ZBTB7C: variants seen among roughly 807,000 people sequenced by gnomAD.
ZBTB7C encodes the protein zinc finger and BTB domain-containing protein 7C.
In ZBTB7C, 8 loss-of-function variants were observed where a neutral mutation model predicts 25.7. The observed-to-expected ratio is 0.31, with a 90% CI of 0.18 to 0.56. ZBTB7C has a LOEUF of 0.56. Ranked by LOEUF, ZBTB7C falls within the 20% of genes least tolerant of loss-of-function variation. The probability of loss-of-function intolerance (pLI) is 0.91; values close to 1 mark genes in which losing one functional copy is unlikely to be tolerated. For synonymous variants in ZBTB7C, 394 were observed against 369.0 expected, an observed-to-expected ratio of 1.07 and a Z score of -0.78; for missense variants, 824 against 855.2, an observed-to-expected ratio of 0.96 and a Z score of 0.46.
Position 48,072,821 on chromosome 18 carries a change from G to T in ZBTB7C, c.-16-31698C>A, listed in dbSNP as rs139070267. 2.6e-5 allele frequency among the ~76,000 whole-genome samples: 4 copies of T among 152,316 alleles called. No individual in the cohort carries two copies. In the East Asian group the frequency reaches 7.7e-4, roughly 29 times the overall value. On this transcript the variant is annotated intron_variant, in intron 3 of 4. Coordinates refer to ENST00000590800, the MANE Select transcript of ZBTB7C (RefSeq NM_001318841.2). ...CGGCACTGCTGGGGAGAAGGCAGCCGCTCTCCGCTTCATCCTTGGGCTGGG... is the reference window on the plus strand; with the variant it reads ...CGGCACTGCTGGGGAGAAGGCAGCCTCTCTCCGCTTCATCCTTGGGCTGGG...
intron 3 of ZBTB7C, among the ~76,000 whole-genome samples, chr18:48,070,790 C>T (rs1282597320): frequency 6.6e-6 from 1 of 152,108 alleles, no homozygotes; most frequent in Non-Finnish European, 1.5e-5. Flanking sequence ...CCTCCCTAGC[C>T]CACCCCATCC....
At chr18:48,088,765 G>C (rs2038291533) in intron 3 of ZBTB7C, among the ~76,000 whole-genome samples, 1 of 152,170 alleles carries the variant, frequency 6.6e-6, no homozygotes, top group Non-Finnish European at 1.5e-5. Context: ...GGAAGGTGGA[G>C]GTTGCAGTGA....
intron 2 of ZBTB7C, among the ~76,000 whole-genome samples, chr18:48,205,259 CA>C (rs2042551902): frequency 6.6e-6 from 1 of 151,926 alleles, no homozygotes; most frequent in African/African-American, 2.4e-5. Flanking sequence ...GGTCAATAAT[CA>C]AAAATCAATT....
chr18:48,316,999 G>A (rs1447411517), intron 2 of ZBTB7C, among the ~76,000 whole-genome samples: 1 of 152,218 alleles, frequency 6.6e-6, no homozygotes, highest in East Asian at 1.9e-4. Context: ...CAAGCCAGGT[G>A]CAGTGGCTCA....
intron 3 of ZBTB7C, among the ~76,000 whole-genome samples, chr18:48,167,037 G>A (rs774325077): frequency 3.3e-5 from 5 of 152,098 alleles, no homozygotes; most frequent in Admixed American, 6.5e-5. Flanking sequence ...TCAGAACCTC[G>A]TGCTGCCCTT....
chr18:48,137,841 C>G (rs976865583), intron 3 of ZBTB7C, among the ~76,000 whole-genome samples: 24 of 152,326 alleles, frequency 1.6e-4, no homozygotes, highest in African/African-American at 5.3e-4. Flanking sequence ...GGGCCAGCCA[C>G]CAATCACAGA....
chr18:48,342,125 T>C (rs2046616221), intron 1 of ZBTB7C, among the ~76,000 whole-genome samples: 2 of 152,090 alleles, frequency 1.3e-5, no homozygotes, highest in South Asian at 4.1e-4. Context: ...CTTTCTTCCC[T>C]CTCCCAACTG....
At chr18:48,248,093 C>A (rs1179989857) in intron 2 of ZBTB7C, among the ~76,000 whole-genome samples, 12 of 152,150 alleles carry the variant, frequency 7.9e-5, no homozygotes, top group Non-Finnish European at 1.3e-4. Flanking sequence ...TGACTTTGCT[C>A]CTCCTTTACC....
chr18:48,069,250 A>G (rs2037453187), intron 3 of ZBTB7C, among the ~76,000 whole-genome samples: 1 of 152,128 alleles, frequency 6.6e-6, no homozygotes, highest in Admixed American at 6.5e-5. Flanking sequence ...ACCTTTCTCA[A>G]TTCTCACCAC....
At chr18:48,156,640 A>G (rs1331044638) in intron 3 of ZBTB7C, among the ~76,000 whole-genome samples, 3 of 152,194 alleles carry the variant, frequency 2.0e-5, no homozygotes, top group African/African-American at 7.2e-5. Flanking sequence ...TACATTCTTA[A>G]GAACATCAAA....
chr18:48,408,027 G>A (rs1349529440), intron 1 of ZBTB7C, among the ~76,000 whole-genome samples: 1 of 152,170 alleles, frequency 6.6e-6, no homozygotes, highest in Admixed American at 6.5e-5. Flanking sequence ...CTTCTTTTAA[G>A]GGGTCTTCCC....
intron 2 of ZBTB7C, among the ~76,000 whole-genome samples, chr18:48,282,795 AC>A (rs1399454992): frequency 2.0e-5 from 3 of 152,248 alleles, no homozygotes; most frequent in African/African-American, 7.2e-5. Context: ...TAAAGTTCAA[AC>A]ACAGGCAAGA....
At chr18:48,130,336 C>A (rs985089613) in intron 3 of ZBTB7C, among the ~76,000 whole-genome samples, 1 of 152,110 alleles carries the variant, frequency 6.6e-6, no homozygotes, top group African/African-American at 2.4e-5. Flanking sequence ...AGAAGAGGAG[C>A]AAAGCTCTGG....
chr18:48,389,674 C>A (rs1364050557), intron 1 of ZBTB7C, among the ~76,000 whole-genome samples: 2 of 151,886 alleles, frequency 1.3e-5, no homozygotes, highest in African/African-American at 4.8e-5. Flanking sequence ...TACTGAAGAC[C>A]CCAGCTGAAA....
At chr18:48,301,705 G>A (rs976688625) in intron 2 of ZBTB7C, among the ~76,000 whole-genome samples, 2 of 152,188 alleles carry the variant, frequency 1.3e-5, no homozygotes, top group African/African-American at 2.4e-5. Context: ...GAGATGCACA[G>A]CTGGATGAGA....
intron 2 of ZBTB7C, among the ~76,000 whole-genome samples, chr18:48,261,301 C>T (rs1299808785): frequency 1.3e-5 from 2 of 152,038 alleles, no homozygotes; most frequent in Non-Finnish European, 1.5e-5. Flanking sequence ...GGCAGGGCAC[C>T]GTGTGCAGAC....
chr18:48,125,107 T>C (rs1315074473), intron 3 of ZBTB7C, among the ~76,000 whole-genome samples: 1 of 152,254 alleles, frequency 6.6e-6, no homozygotes, highest in Non-Finnish European at 1.5e-5. Flanking sequence ...TACTGTGTGC[T>C]AGATATATCG....
chr18:48,258,182 C>T (rs2144494524), intron 2 of ZBTB7C, among the ~76,000 whole-genome samples: 1 of 152,330 alleles, frequency 6.6e-6, no homozygotes, highest in East Asian at 1.9e-4. Context: ...AAAGTCAAGG[C>T]TATCCACTCT....
chr18:48,378,457 C>T (rs1283707051), intron 1 of ZBTB7C, among the ~76,000 whole-genome samples: 1 of 152,160 alleles, frequency 6.6e-6, no homozygotes, highest in African/African-American at 2.4e-5. Flanking sequence ...AAGACCCCAA[C>T]CCAGCTAAGA....
Sources: allele counts gnomAD v4.1 joint callset (sites outside exome capture counted in the v4.1 genomes callset), GRCh38; gene constraint gnomAD v4.1.1; transcripts MANE v1.5; gene names NCBI Gene and HGNC (gene_info 2026-07-23, HGNC 2026-07-21).